LPP: variants seen among roughly 807,000 people sequenced by gnomAD.
LPP encodes the protein LIM domain containing preferred translocation partner in lipoma.
A neutral mutation model predicts 60.4 loss-of-function variants in LPP; 38 were observed. The observed-to-expected ratio is 0.63, with a 90% CI of 0.49 to 0.83. The LOEUF is 0.83. Ranked by LOEUF, LPP falls within the 40% of genes least tolerant of loss-of-function variation. The pLI is 0.00. For missense variants in LPP, 902 were observed against 783.6 expected (o/e 1.15, Z -1.80); for synonymous variants, 328 against 290.8 (o/e 1.13, Z -1.30).
In LPP at chr3:188,877,895, G is replaced by C. The variant is rs775289106; in HGVS notation, c.*3416G>C. On this transcript the variant is annotated 3_prime_UTR_variant, in exon 12 of 12. Coordinates refer to ENST00000617246, the MANE Select transcript of LPP (RefSeq NM_001375462.1). ...TTATTTCTGTAGGAGCAACTTCTCT[G>C]ATCAAAATTACTTTTCTGGGTATGT... The C allele has an allele frequency of 4.6e-6, 1 of 215,904 alleles. No homozygotes were observed. The highest frequency in any genetic ancestry group is 1.5e-3 in the Middle Eastern group (1 of 676). The allele number at this position is 215,904 out of a possible 1,614,324, so 13.4% of individuals were successfully genotyped here.
chr3:188,823,953 C>T (rs1754687035), intron 9 of LPP, among the ~76,000 whole-genome samples: 2 of 152,008 alleles, frequency 1.3e-5, no homozygotes, highest in Admixed American at 6.6e-5. Flanking sequence ...AAGTATATTC[C>T]ACTACCAAAG....
intron 5 of LPP, among the ~76,000 whole-genome samples, chr3:188,515,062 G>A (rs766077104): frequency 1.4e-4 from 22 of 152,282 alleles, no homozygotes; most frequent in Admixed American, 5.9e-4. Flanking sequence ...TTTATCAAGC[G>A]TAGCATTTAT....
chr3:188,702,234 G>A (rs1051976340), intron 7 of LPP, among the ~76,000 whole-genome samples: 2 of 151,754 alleles, frequency 1.3e-5, no homozygotes. Context: ...GGGATTATAG[G>A]CGTAAGCCAC....
intron 9 of LPP, among the ~76,000 whole-genome samples, chr3:188,832,995 G>A (rs1174468729): frequency 1.3e-5 from 2 of 152,224 alleles, no homozygotes; most frequent in African/African-American, 4.8e-5. Context: ...CTTGGCATCA[G>A]TGCAAACTTT....
intron 6 of LPP, 68 bp downstream of exon 6, chr3:188,524,855 T>C (rs1423373604): frequency 1.3e-6 from 2 of 1,497,130 alleles, no homozygotes; most frequent in Non-Finnish European, 1.8e-6. Flanking sequence ...AGAAAGAACA[T>C]GCTGCACCTG....
chr3:188,259,195 A>G (rs1732718625), intron 2 of LPP, among the ~76,000 whole-genome samples: 1 of 152,166 alleles, frequency 6.6e-6, no homozygotes, highest in Non-Finnish European at 1.5e-5. Context: ...TTAATTTACT[A>G]TTGCATATAA....
intron 4 of LPP, among the ~76,000 whole-genome samples, chr3:188,438,872 T>C (rs1793040527): frequency 6.6e-6 from 1 of 152,206 alleles, no homozygotes; most frequent in African/African-American, 2.4e-5. Flanking sequence ...TCCCATTAAA[T>C]ACCTATTGAT....
chr3:188,470,076 T>C (rs1801432886), intron 4 of LPP, among the ~76,000 whole-genome samples: 1 of 152,074 alleles, frequency 6.6e-6, no homozygotes, highest in Non-Finnish European at 1.5e-5. Flanking sequence ...ATCAAAAGTT[T>C]CATGATTTCC....
chr3:188,287,299 G>A (rs931695343), intron 2 of LPP, among the ~76,000 whole-genome samples: 19 of 152,186 alleles, frequency 1.2e-4, no homozygotes, highest in Admixed American at 1.0e-3. Flanking sequence ...GCCATCCCCC[G>A]CCCCGTGTGT....
At chr3:188,156,565 G>T (rs1716508751) in intron 1 of LPP, among the ~76,000 whole-genome samples, 1 of 152,158 alleles carries the variant, frequency 6.6e-6, no homozygotes, top group South Asian at 2.1e-4. Flanking sequence ...TTGGCACGAT[G>T]GCTCAAGCCT....
At chr3:188,209,630 G>C (rs1419834626) in intron 1 of LPP, among the ~76,000 whole-genome samples, 4 of 152,156 alleles carry the variant, frequency 2.6e-5, no homozygotes, top group African/African-American at 7.2e-5. Flanking sequence ...TTTAGGTCTG[G>C]CAGGATCTGA....
intron 1 of LPP, chr3:188,179,116 G>GAGA: frequency 2.8e-6 from 1 of 354,798 alleles, no homozygotes; most frequent in Non-Finnish European, 5.6e-6. Context: ...GAGAGAGAGA[G>GAGA]GTTTTGAGAG....
chr3:188,730,669 T>C (rs941967086), intron 8 of LPP, among the ~76,000 whole-genome samples: 4 of 152,248 alleles, frequency 2.6e-5, no homozygotes, highest in South Asian at 2.1e-4. Context: ...TAAGTGTTTA[T>C]GATACCTCTA....
chr3:188,813,148 C>T (rs9825077), intron 9 of LPP, among the ~76,000 whole-genome samples: 9,238 of 151,986 alleles, frequency 0.061, 305 homozygotes, highest in African/African-American at 0.086. Flanking sequence ...ATTTACGAAT[C>T]GAATTAGAAA....
chr3:188,515,670 C>T (rs779532032), intron 5 of LPP, among the ~76,000 whole-genome samples: 4 of 152,136 alleles, frequency 2.6e-5, no homozygotes, highest in Non-Finnish European at 4.4e-5. Context: ...ACAGCTTTTG[C>T]GACAACTTTT....
At chr3:188,207,413 G>T (rs1001756740) in intron 1 of LPP, among the ~76,000 whole-genome samples, 4 of 151,652 alleles carry the variant, frequency 2.6e-5, no homozygotes, top group African/African-American at 9.7e-5. Context: ...TGTATTTTTA[G>T]TAGAGATGGG....
chr3:188,170,049 T>C (rs1316547153), intron 1 of LPP, among the ~76,000 whole-genome samples: 2 of 152,154 alleles, frequency 1.3e-5, no homozygotes, highest in African/African-American at 4.8e-5. Context: ...AACAGTGAAA[T>C]TCTGACATGG....
At chr3:188,856,396 G>C (rs1360901862) in intron 9 of LPP, among the ~76,000 whole-genome samples, 2 of 152,106 alleles carry the variant, frequency 1.3e-5, no homozygotes, top group African/African-American at 4.8e-5. Flanking sequence ...TTTTATACTT[G>C]TCTACTTCTC....
At chr3:188,695,946 ACT>A (rs1410699686) in intron 7 of LPP, among the ~76,000 whole-genome samples, 5 of 152,182 alleles carry the variant, frequency 3.3e-5, no homozygotes, top group African/African-American at 1.2e-4. Flanking sequence ...CTCCTGCCTA[ACT>A]CTTGGTTCTG....
Sources: allele counts gnomAD v4.1 joint callset (sites outside exome capture counted in the v4.1 genomes callset), GRCh38; gene constraint gnomAD v4.1.1; transcripts MANE v1.5; gene names NCBI Gene and HGNC (gene_info 2026-07-23, HGNC 2026-07-21).